The following EPHA6 variants were observed in gnomAD, a reference collection of about 807,000 sequenced individuals.
EPHA6 encodes ephrin type-A receptor 6.
Under a neutral mutation model 112.0 loss-of-function variants are expected in EPHA6, and 50 were observed. The observed-to-expected ratio is 0.45, with a 90% CI of 0.36 to 0.56. The LOEUF (loss-of-function observed/expected upper bound fraction) is 0.56, where lower values mean the gene tolerates loss of function less well. Among genes scored for constraint, EPHA6 ranks in the 20% least tolerant of loss-of-function variants. The probability of loss-of-function intolerance (pLI) is 0.00; values close to 1 mark genes in which losing one functional copy is unlikely to be tolerated. For missense variants in EPHA6, 1,280 were observed against 1,417.4 expected, an observed-to-expected ratio of 0.90 and a Z score of 1.56; for synonymous variants, 529 against 490.7, an observed-to-expected ratio of 1.08 and a Z score of -1.03.
rs545496345 is a variant in EPHA6 at position 97,270,724 on chromosome 3, T to A, written c.1606+26437T>A. ...TAACTATTTATACTCAGTAACAAGGTTGCCCAGTTTAGAGGATCTTCATGA... is the reference window on the plus strand; with the variant it reads ...TAACTATTTATACTCAGTAACAAGGATGCCCAGTTTAGAGGATCTTCATGA... On this transcript the variant is annotated intron_variant, in intron 5 of 17. Coordinates refer to ENST00000389672, the MANE Select transcript of EPHA6 (RefSeq NM_001080448.3). 5.3e-5 allele frequency among the ~76,000 whole-genome samples: 8 copies of A among 152,320 alleles called. No individual in the cohort carries two copies. The East Asian group carries it at 1.5e-3, about 29-fold the overall frequency.
chr3:96,819,467 A>G (rs974650902), intron 1 of EPHA6, among the ~76,000 whole-genome samples: 15 of 152,108 alleles, frequency 9.9e-5, no homozygotes, highest in African/African-American at 3.6e-4. Context: ...TCACATACAC[A>G]AATGCTTCTG....
chr3:96,940,113 A>G (rs9838204), intron 2 of EPHA6, among the ~76,000 whole-genome samples: 18,593 of 152,100 alleles, frequency 0.12, 2,086 homozygotes, highest in African/African-American at 0.25. Context: ...GTAGATGTCT[A>G]TTAGGTCCAC....
intron 7 of EPHA6, among the ~76,000 whole-genome samples, chr3:97,455,284 A>T (rs1050982102): frequency 1.8e-4 from 28 of 152,020 alleles, no homozygotes; most frequent in Non-Finnish European, 2.5e-4. Flanking sequence ...ACTTTTTTAA[A>T]ATCTTTTCTG....
intron 11 of EPHA6, among the ~76,000 whole-genome samples, chr3:97,555,580 C>A (rs2093094695): frequency 6.6e-6 from 1 of 152,158 alleles, no homozygotes; most frequent in Non-Finnish European, 1.5e-5. Context: ...ACATCCTCTC[C>A]AGCACCTGTT....
intron 3 of EPHA6, among the ~76,000 whole-genome samples, chr3:97,032,487 T>G (rs1292619366): frequency 1.3e-5 from 2 of 151,900 alleles, no homozygotes; most frequent in Non-Finnish European, 2.9e-5. Context: ...TGAGACCCAT[T>G]ATTTTGCTTG....
chr3:97,566,272 T>C (rs1405559004), intron 11 of EPHA6, among the ~76,000 whole-genome samples: 1 of 152,060 alleles, frequency 6.6e-6, no homozygotes, highest in Non-Finnish European at 1.5e-5. Flanking sequence ...TGGTAAGCCA[T>C]TCACAAGGGA....
intron 3 of EPHA6, among the ~76,000 whole-genome samples, chr3:97,182,189 C>T (rs2077007368): frequency 6.6e-6 from 1 of 151,804 alleles, no homozygotes; most frequent in Non-Finnish European, 1.5e-5. Flanking sequence ...CTTCTATTTC[C>T]TATAACTAAA....
chr3:97,600,836 A>G (rs1176589231), intron 12 of EPHA6, among the ~76,000 whole-genome samples: 1 of 151,946 alleles, frequency 6.6e-6, no homozygotes, highest in African/African-American at 2.4e-5. Flanking sequence ...TGCATTTGAT[A>G]TCAAGCTCTT....
chr3:96,861,965 A>C (rs1314427325), intron 1 of EPHA6, among the ~76,000 whole-genome samples: 2 of 151,866 alleles, frequency 1.3e-5, no homozygotes, highest in Non-Finnish European at 2.9e-5. Context: ...ATATGGTTGC[A>C]ACTCCGTGTG....
chr3:97,241,755 G>GT (rs553996537), intron 4 of EPHA6, among the ~76,000 whole-genome samples: 2,950 of 116,622 alleles, frequency 0.025, 36 homozygotes, highest in South Asian at 0.041. Context: ...CAGCCTTCTT[G>GT]TTTTTTTTTT....
intron 4 of EPHA6, among the ~76,000 whole-genome samples, chr3:97,228,228 C>A (rs988669008): frequency 1.8e-4 from 28 of 151,908 alleles, no homozygotes; most frequent in Non-Finnish European, 4.4e-5. Flanking sequence ...GGGGGAAGTT[C>A]TTTTGTGGTG....
chr3:97,291,529 GTTCT>G (rs199538192), intron 5 of EPHA6, among the ~76,000 whole-genome samples: 1,596 of 152,124 alleles, frequency 0.01, 32 homozygotes, highest in African/African-American at 0.035. Context: ...CATAGAGTTT[GTTCT>G]TTCTTTTTTG....
At chr3:97,620,037 C>T (rs1408780236) in intron 13 of EPHA6, among the ~76,000 whole-genome samples, 1 of 151,984 alleles carries the variant, frequency 6.6e-6, no homozygotes, top group African/African-American at 2.4e-5. Context: ...CTACAGTGAG[C>T]AAAATAGCAT....
chr3:97,732,331 C>G (rs891660178), intron 15 of EPHA6, among the ~76,000 whole-genome samples: 2 of 151,652 alleles, frequency 1.3e-5, no homozygotes, highest in Non-Finnish European at 2.9e-5. Context: ...CTGGAAGAAG[C>G]CTTCCTGAGG....
At chr3:97,003,586 G>T (rs1297686406) in intron 3 of EPHA6, among the ~76,000 whole-genome samples, 1 of 151,992 alleles carries the variant, frequency 6.6e-6, no homozygotes, top group Non-Finnish European at 1.5e-5. Context: ...TACAAATTAG[G>T]ATTTTCATGA....
chr3:97,574,094 A>G (rs2093360039), intron 11 of EPHA6, among the ~76,000 whole-genome samples: 1 of 152,060 alleles, frequency 6.6e-6, no homozygotes, highest in Non-Finnish European at 1.5e-5. Flanking sequence ...CTTTCTCTTT[A>G]TTTAAGCAAC....
chr3:97,731,754 G>A (rs981019781), intron 15 of EPHA6, among the ~76,000 whole-genome samples: 17 of 151,944 alleles, frequency 1.1e-4, no homozygotes, highest in African/African-American at 3.9e-4. Flanking sequence ...AACTCTCAAA[G>A]GTATATATGT....
intron 3 of EPHA6, among the ~76,000 whole-genome samples, chr3:97,019,832 C>T (rs529158246): frequency 6.6e-6 from 1 of 151,612 alleles, no homozygotes; most frequent in Admixed American, 6.6e-5. Flanking sequence ...TATATTTTTG[C>T]TTTTCTTTGT....
chr3:97,559,054 A>T (rs1207067925), intron 11 of EPHA6, among the ~76,000 whole-genome samples: 1 of 152,050 alleles, frequency 6.6e-6, no homozygotes, highest in East Asian at 1.9e-4. Flanking sequence ...TTTATTTTCA[A>T]TGAGTGCATA....
Sources: gnomAD v4.1 joint callset for allele counts (sites outside exome capture counted in the v4.1 genomes callset) on GRCh38, gnomAD v4.1.1 for gene constraint, MANE v1.5 for transcripts, NCBI Gene and HGNC (gene_info 2026-07-23, HGNC 2026-07-21) for gene names.